Variants in CNGB3 observed in about 807,000 individuals in gnomAD.
CNGB3 encodes cyclic nucleotide-gated channel beta-3.
Under a neutral mutation model 92.8 loss-of-function variants are expected in CNGB3, and 86 were observed. The observed-to-expected ratio is 0.93, with a 90% CI of 0.78 to 1.11. The LOEUF is 1.11. Among genes scored for constraint, CNGB3 ranks in the 50% least tolerant of loss-of-function variants. The pLI is 0.00. For synonymous variants in CNGB3, 333 were observed against 332.7 expected, an observed-to-expected ratio of 1.00 and a Z score of -0.01; for missense variants, 1,026 against 956.8, an observed-to-expected ratio of 1.07 and a Z score of -0.95.
In CNGB3 at chr8:86,627,832, G is replaced by A. The variant is rs117054761; in HGVS notation, c.1480+1087C>T. Among the ~76,000 whole-genome samples the A allele has an allele frequency of 8.5e-4, 129 of 152,220 alleles. 1 individual carries two copies. The highest frequency in any genetic ancestry group is 5.4e-3 in the Admixed American group (83 of 15,278). On this transcript the variant is annotated intron_variant, in intron 12 of 17. Transcript: ENST00000320005. ...TACAGTTGACCCTTGAACAACACGT[G>A]TTTGAACTACACAGGTCCACTTATA...
At chr8:86,657,652 A>G in intron 6 of CNGB3, 1 of 422,948 alleles carries the variant, frequency 2.4e-6, no homozygotes, top group Non-Finnish European at 4.7e-6. Flanking sequence ...GGAGCGGGCT[A>G]ATCAACAGGG....
At chr8:86,588,870 A>C (rs1374581115) in intron 15 of CNGB3, among the ~76,000 whole-genome samples, 1 of 151,678 alleles carries the variant, frequency 6.6e-6, no homozygotes, top group East Asian at 1.9e-4. Context: ...GTTAGAGAGG[A>C]TTCCCTCTTT....
chr8:86,721,077 A>G (rs1167380165), intron 3 of CNGB3, among the ~76,000 whole-genome samples: 2 of 151,712 alleles, frequency 1.3e-5, no homozygotes, highest in African/African-American at 4.8e-5. Context: ...AGTGATTCTC[A>G]TGCCTCAGCC....
intron 3 of CNGB3, among the ~76,000 whole-genome samples, chr8:86,716,605 G>A (rs1171335893): frequency 3.3e-5 from 5 of 152,158 alleles, no homozygotes; most frequent in Middle Eastern, 3.4e-3. Context: ...CAAAAATTTC[G>A]TATCCAGTGA....
chr8:86,594,338 A>T (rs1822123141), intron 15 of CNGB3: 8 of 325,594 alleles, frequency 2.5e-5, no homozygotes, highest in South Asian at 2.2e-4. Context: ...TTCGTCCACC[A>T]GCCCATGCAG....
chr8:86,678,515 C>T (rs1034810477), intron 3 of CNGB3, among the ~76,000 whole-genome samples: 7 of 152,132 alleles, frequency 4.6e-5, no homozygotes, highest in African/African-American at 1.7e-4. Flanking sequence ...AATTTCCTAA[C>T]CTAAGTGATT....
intron 3 of CNGB3, among the ~76,000 whole-genome samples, chr8:86,701,900 A>G (rs1050717498): frequency 1.3e-5 from 2 of 152,210 alleles, no homozygotes; most frequent in African/African-American, 4.8e-5. Context: ...AGGTGAAGGA[A>G]AAGAAAAATA....
chr8:86,657,689 A>G, intron 6 of CNGB3: 1 of 449,408 alleles, frequency 2.2e-6, no homozygotes, highest in Admixed American at 2.6e-5. Flanking sequence ...GGAATTTGCC[A>G]TGCCACTTGT....
At chr8:86,691,445 A>G (rs4961209) in intron 3 of CNGB3, among the ~76,000 whole-genome samples, 105,198 of 151,964 alleles carry the variant, frequency 0.69, 37,244 homozygotes, top group African/African-American at 0.84. Flanking sequence ...TTCTTGTCTT[A>G]TTCCAGTTCT....
chr8:86,715,394 C>A (rs1824832549), intron 3 of CNGB3, among the ~76,000 whole-genome samples: 1 of 152,066 alleles, frequency 6.6e-6, no homozygotes, highest in South Asian at 2.1e-4. Flanking sequence ...CTCCCTAGTA[C>A]CACCCTGAAG....
At chr8:86,739,615 T>G (rs1825305133) in intron 2 of CNGB3, 40 bp downstream of exon 2, 2 of 1,594,080 alleles carry the variant, frequency 1.3e-6, no homozygotes, top group Non-Finnish European at 1.7e-6. Flanking sequence ...GTATTTCACT[T>G]TTTAGTTTTT....
chr8:86,632,956 G>C, intron 10 of CNGB3, 63 bp from the exon 11 acceptor site: 2 of 1,427,966 alleles, frequency 1.4e-6, no homozygotes, highest in Non-Finnish European at 2.0e-6. Flanking sequence ...CACTATTCTT[G>C]GGAGAATATA....
intron 7 of CNGB3, among the ~76,000 whole-genome samples, chr8:86,649,999 A>G (rs1030742766): frequency 1.1e-4 from 17 of 151,488 alleles, no homozygotes; most frequent in Admixed American, 8.6e-4. Context: ...ATTAATAGAT[A>G]TTTTTCAAAA....
chr8:86,603,948 A>G, intron 15 of CNGB3, 145 bp downstream of exon 15: 1 of 649,894 alleles, frequency 1.5e-6, no homozygotes, highest in Non-Finnish European at 2.7e-6. Context: ...AGGGATGAAT[A>G]AAAATATGAA....
At chr8:86,586,022 T>C (rs954207279) in intron 15 of CNGB3, among the ~76,000 whole-genome samples, 1 of 152,200 alleles carries the variant, frequency 6.6e-6, no homozygotes. Context: ...CTTTGATAAG[T>C]ACTTTTTTGG....
At chr8:86,706,970 T>C (rs1385506231) in intron 3 of CNGB3, among the ~76,000 whole-genome samples, 2 of 152,190 alleles carry the variant, frequency 1.3e-5, no homozygotes, top group South Asian at 2.1e-4. Context: ...AAAAATATTA[T>C]AAAATCAGAC....
intron 6 of CNGB3, among the ~76,000 whole-genome samples, chr8:86,665,499 A>G (rs1036859185): frequency 1.4e-5 from 2 of 145,662 alleles, no homozygotes; most frequent in African/African-American, 5.2e-5. Context: ...TCACAATAGC[A>G]AAGACATGAA....
chr8:86,659,994 C>G (rs906572736), intron 6 of CNGB3: 1 of 346,764 alleles, frequency 2.9e-6, no homozygotes, highest in Non-Finnish European at 5.9e-6. Context: ...AGATTGGGAC[C>G]AATGTCAGCA....
At chr8:86,612,091 C>T (rs1217191105) in intron 13 of CNGB3, among the ~76,000 whole-genome samples, 1 of 152,016 alleles carries the variant, frequency 6.6e-6, no homozygotes, top group African/African-American at 2.4e-5. Flanking sequence ...ATTTTTCTTT[C>T]TTAAAACATG....
Sources: allele counts gnomAD v4.1 joint callset (sites outside exome capture counted in the v4.1 genomes callset), GRCh38; gene constraint gnomAD v4.1.1; transcripts MANE v1.5; gene names NCBI Gene and HGNC (gene_info 2026-07-23, HGNC 2026-07-21).